The following AKAP6 variants were observed in gnomAD, a reference collection of about 807,000 sequenced individuals.
AKAP6 encodes the protein A-kinase anchoring protein 6.
In AKAP6, 58 loss-of-function variants were observed where a neutral mutation model predicts 188.5. The ratio of observed to expected loss-of-function variants is 0.31; its 90% CI spans 0.25 to 0.38. AKAP6 has a LOEUF of 0.38. AKAP6 is among the 10% of genes least tolerant of loss of function. The pLI, the probability that AKAP6 is intolerant of heterozygous loss-of-function variation, is 1.00. For missense variants in AKAP6, 2,710 were observed against 2,740.0 expected (o/e 0.99, Z 0.24); for synonymous variants, 989 against 998.6 (o/e 0.99, Z 0.18).
At position 32,822,627 on chromosome 14, in the gene AKAP6, G is replaced by C. The variant is rs199845338; in HGVS notation, c.4814G>C (p.Ser1605Thr). The change falls in exon 13 of 14, where the codon AGC (serine) becomes ACC (threonine). Residue 1605 changes from serine (S) to threonine (T), a missense_variant. Ser to Thr is a moderately conservative substitution (Grantham distance 58). This residue lies in a region of AKAP6 where 2,473 missense variants were observed against 2,426.1 expected (regional missense o/e 1.02). Transcript: ENST00000280979. ...SLESWLTSYK[S>T]NEDLFSCHSS... Reference sequence around the variant, plus strand: ...GAAAGTTGGTTGACTTCCTATAAAAGCAATGAAGATCTCTTTAGCTGTCAC... The same window carrying C: ...GAAAGTTGGTTGACTTCCTATAAAACCAATGAAGATCTCTTTAGCTGTCAC... 1.1e-5 allele frequency: 18 copies of C among 1,614,014 alleles called. No homozygotes were observed. The highest frequency in any genetic ancestry group is 1.5e-5 in the Non-Finnish European group (18 of 1,179,950).
At chr14:32,447,434 A>G (rs1890792802) in intron 2 of AKAP6, among the ~76,000 whole-genome samples, 1 of 152,194 alleles carries the variant, frequency 6.6e-6, no homozygotes, top group African/African-American at 2.4e-5. Context: ...ATAACTTCCC[A>G]AGGACATTTC....
At chr14:32,758,294 A>T (rs1225714565) in intron 11 of AKAP6, among the ~76,000 whole-genome samples, 4 of 152,238 alleles carry the variant, frequency 2.6e-5, no homozygotes, top group Non-Finnish European at 4.4e-5. Context: ...GGCAGCCTAC[A>T]TCAGAATACC....
At chr14:32,700,278 G>A (rs1890569146) in intron 9 of AKAP6, among the ~76,000 whole-genome samples, 1 of 152,166 alleles carries the variant, frequency 6.6e-6, no homozygotes, top group African/African-American at 2.4e-5. Flanking sequence ...TACCTACAGA[G>A]CACAGATGAC....
chr14:32,635,019 C>G (rs1234353571), intron 7 of AKAP6, among the ~76,000 whole-genome samples: 2 of 151,772 alleles, frequency 1.3e-5, no homozygotes. Flanking sequence ...AGTGTAAACT[C>G]AAGAGTGACC....
intron 11 of AKAP6, among the ~76,000 whole-genome samples, chr14:32,744,864 A>G (rs1255589536): frequency 6.6e-6 from 1 of 151,814 alleles, no homozygotes; most frequent in Non-Finnish European, 1.5e-5. Flanking sequence ...AAGCTCACTA[A>G]TTCTTCTGCT....
Position 32,831,296 on chromosome 14 carries a change from C to A in AKAP6, c.*1491C>A, listed in dbSNP as rs887973511. On this transcript the variant is annotated 3_prime_UTR_variant, in exon 14 of 14. Coordinates refer to ENST00000280979, the MANE Select transcript of AKAP6 (RefSeq NM_004274.5). ...GCAGTTTTAAATTTATATCGTAACA[C>A]CTACTTAAGTGCCTGACACAGTAGG... is the stretch of plus-strand genomic sequence containing the variant. 6.6e-6 allele frequency: 1 copy of A among 152,078 alleles called. No individual in the cohort carries two copies. The highest frequency in any genetic ancestry group is 1.5e-5 in the Non-Finnish European group (1 of 68,012). 9.4% of individuals were successfully genotyped at this position (152,078 alleles called of 1,614,324 possible).
At chr14:32,661,257 C>T (rs116845832) in intron 7 of AKAP6, among the ~76,000 whole-genome samples, 145 of 152,064 alleles carry the variant, frequency 9.5e-4, no homozygotes, top group African/African-American at 2.4e-3. Flanking sequence ...ATCAGTAAAT[C>T]GTGATAATTG....
rs115505728 is a variant in AKAP6, at chr14:32,504,849, G to C, written c.325-30705G>C. On this transcript the variant is annotated intron_variant, in intron 2 of 13. Transcript: ENST00000280979. Reference sequence around the variant, plus strand: ...TACATACCCATTAGGGTAGGCCTCAGCTCTGCTCCATGTCTTTGTCATCTG... The same window carrying C: ...TACATACCCATTAGGGTAGGCCTCACCTCTGCTCCATGTCTTTGTCATCTG... Among the ~76,000 whole-genome samples, 61 of 152,278 alleles carry C rather than the reference G, an allele frequency of 4.0e-4. 1 individual carries two copies. Among genetic ancestry groups the C allele is most frequent in the African/African-American group, 1.4e-3 (57 of 41,564 alleles).
chr14:32,608,872 G>A (rs916882922), intron 7 of AKAP6, among the ~76,000 whole-genome samples: 9 of 152,020 alleles, frequency 5.9e-5, no homozygotes, highest in African/African-American at 2.2e-4. Flanking sequence ...AGGTAGTGGA[G>A]GTCAAACATT....
intron 5 of AKAP6, among the ~76,000 whole-genome samples, chr14:32,578,372 A>G (rs1217929328): frequency 6.6e-6 from 1 of 152,188 alleles, no homozygotes; most frequent in African/African-American, 2.4e-5. Flanking sequence ...TGTGTGGTAG[A>G]GGATGAGTGT....
chr14:32,795,293 G>A lies in AKAP6; in HGVS notation c.3588+21400G>A, dbSNP rs781222305. Among the ~76,000 whole-genome samples, 75 of 152,274 alleles carry A rather than the reference G, an allele frequency of 4.9e-4. 1 individual carries two copies. Among genetic ancestry groups the A allele is most frequent in the Non-Finnish European group, 9.0e-4 (61 of 68,020 alleles). ...CTCCCTAACTCATTCCGTGAGGTCA[G>A]CATCATCCTGATACCAAAACCTGGC... is the stretch of plus-strand genomic sequence containing the variant. On this transcript the variant is annotated intron_variant, in intron 12 of 13. Coordinates refer to ENST00000280979, the MANE Select transcript of AKAP6 (RefSeq NM_004274.5).
At chr14:32,342,061 TA>T (rs1594519609) in intron 1 of AKAP6, among the ~76,000 whole-genome samples, 1 of 152,162 alleles carries the variant, frequency 6.6e-6, no homozygotes, top group African/African-American at 2.4e-5. Context: ...ATGAGTCTGG[TA>T]CCAGACTGGA....
intron 11 of AKAP6, among the ~76,000 whole-genome samples, chr14:32,762,391 A>G (rs1194648607): frequency 1.3e-5 from 2 of 152,142 alleles, no homozygotes; most frequent in African/African-American, 2.4e-5. Flanking sequence ...ACGATATAAC[A>G]TATTATTAAT....
In AKAP6 at chr14:32,612,651, T is replaced by C. The variant is rs1441013156; in HGVS notation, c.2730+11859T>C. ...CATTTGTACCTTAAATATGTGATTT[T>C]ATTATAGTGTGAATTTATTATTATA... On this transcript the variant is annotated intron_variant, in intron 7 of 13. Transcript: ENST00000280979. 1.3e-5 allele frequency among the ~76,000 whole-genome samples: 2 copies of C among 152,336 alleles called. 1 individual carries two copies. Among genetic ancestry groups the C allele is most frequent in the South Asian group, 4.1e-4 (2 of 4,824 alleles).
intron 7 of AKAP6, among the ~76,000 whole-genome samples, chr14:32,609,321 G>A (rs570442717): frequency 5.9e-5 from 9 of 152,250 alleles, no homozygotes; most frequent in African/African-American, 2.2e-4. Flanking sequence ...CATTTATGTG[G>A]TTGTGATGCT....
intron 7 of AKAP6, among the ~76,000 whole-genome samples, chr14:32,660,346 G>T (rs1467548212): frequency 6.6e-6 from 1 of 152,120 alleles, no homozygotes; most frequent in Non-Finnish European, 1.5e-5. Flanking sequence ...CACCATTAAG[G>T]TAGCAGATGG....
chr14:32,348,344 A>G (rs1234666787), intron 1 of AKAP6, among the ~76,000 whole-genome samples: 2 of 151,964 alleles, frequency 1.3e-5, no homozygotes, highest in African/African-American at 2.4e-5. Context: ...GAGAATGTTT[A>G]GTAAGAAGAA....
intron 7 of AKAP6, among the ~76,000 whole-genome samples, chr14:32,653,021 C>T (rs545933280): frequency 2.0e-5 from 3 of 152,194 alleles, no homozygotes; most frequent in African/African-American, 7.2e-5. Flanking sequence ...CCACTACACT[C>T]CAGCCTGGGT....
chr14:32,421,895 G>C (rs1277758638), intron 1 of AKAP6, among the ~76,000 whole-genome samples: 1 of 152,168 alleles, frequency 6.6e-6, no homozygotes, highest in Admixed American at 6.5e-5. Context: ...AGCCAAATCA[G>C]GGAAGAGGGC....
Sources: allele counts gnomAD v4.1 joint callset (sites outside exome capture counted in the v4.1 genomes callset), GRCh38; gene constraint gnomAD v4.1.1; regional missense constraint gnomAD v4.1.1; transcripts MANE v1.5; gene names NCBI Gene and HGNC (gene_info 2026-07-23, HGNC 2026-07-21).